Variants in C16orf74 observed in about 807,000 individuals in gnomAD.
C16orf74 encodes calcimembrin, also known as uncharacterized protein C16orf74.
In C16orf74, 10 loss-of-function variants were observed where a neutral mutation model predicts 6.5. The observed-to-expected ratio is 1.54, with a 90% CI of 0.95 to 2.61. C16orf74 has a LOEUF of 2.61. C16orf74 is among the 30% of genes most tolerant of loss of function. The pLI is 0.00. For synonymous variants in C16orf74, 60 were observed against 42.5 expected, an observed-to-expected ratio of 1.41 and a Z score of -1.60; for missense variants, 141 against 105.9, an observed-to-expected ratio of 1.33 and a Z score of -1.45.
At chr16:85,708,092 T>A (rs753113028) in intron 3 of C16orf74, 26 bp from the exon 4 acceptor site, 103 of 1,541,470 alleles carry the variant, frequency 6.7e-5, no homozygotes, top group Non-Finnish European at 8.5e-5. Context: ...GATGGACACC[T>A]GGATGCACCC....
chr16:85,723,946 G>C (rs997308717), intron 2 of C16orf74, among the ~76,000 whole-genome samples: 9 of 152,204 alleles, frequency 5.9e-5, no homozygotes, highest in South Asian at 4.1e-4. Flanking sequence ...GTCTGCTCCC[G>C]TGCCCGGCCA....
In C16orf74 at chr16:85,710,276, G is replaced by C; in HGVS notation, c.60C>G (p.Ser20Arg). 6.7e-7 allele frequency: 1 copy of C among 1,483,654 alleles called. No individual in the cohort carries two copies. Among genetic ancestry groups the C allele is most frequent in the South Asian group, 1.3e-5 (1 of 75,248 alleles). 91.9% of individuals were successfully genotyped at this position (1,483,654 alleles called of 1,614,324 possible). Residue 20 changes from serine (S) to arginine (R), a missense_variant, in exon 3 of 4, where the codon AGC (serine) becomes AGG (arginine). Transcript: ENST00000284245. ...TCAGGACGGGGGCCTCGTCGTGGCTGCTGCTGCTGCTGCTGACACACATTT... is the reference window on the plus strand; with the variant it reads ...TCAGGACGGGGGCCTCGTCGTGGCTCCTGCTGCTGCTGCTGACACACATTT... ...GFQMCVSSSSSSHDEAPVLND... is the reference protein window; with the variant it reads ...GFQMCVSSSSRSHDEAPVLND...
At chr16:85,725,986 T>TACCTGCCTCCTC (rs1274371176) in intron 2 of C16orf74, among the ~76,000 whole-genome samples, 1 of 152,160 alleles carries the variant, frequency 6.6e-6, no homozygotes, top group Non-Finnish European at 1.5e-5. Context: ...CCGGCCTCCA[T>TACCTGCCTCCTC]ACCTGCCTCC....
chr16:85,736,063 C>A (rs889501), intron 1 of C16orf74, among the ~76,000 whole-genome samples: 1 of 151,908 alleles, frequency 6.6e-6, no homozygotes, highest in African/African-American at 2.4e-5. Flanking sequence ...GGCCCCACCC[C>A]ACAGGGGCCT....
At chr16:85,708,800 C>A (rs969765653) in intron 3 of C16orf74, among the ~76,000 whole-genome samples, 1 of 152,192 alleles carries the variant, frequency 6.6e-6, no homozygotes, top group Non-Finnish European at 1.5e-5. Context: ...AAGCTCAGGA[C>A]ATCTGGAAGG....
intron 2 of C16orf74, among the ~76,000 whole-genome samples, chr16:85,732,025 A>T (rs781525949): frequency 1.4e-4 from 22 of 152,216 alleles, no homozygotes; most frequent in Non-Finnish European, 2.9e-4. Flanking sequence ...TTGGGATGAC[A>T]TTATCCTGGA....
chr16:85,735,481 C>T lies in C16orf74; in HGVS notation c.-18-246G>A, dbSNP rs140175309. On this transcript the variant is annotated intron_variant, in intron 1 of 3. Coordinates refer to ENST00000284245, the MANE Select transcript of C16orf74 (RefSeq NM_206967.3). ...AAGTTAAATATACAGGAAGCCAAGG[C>T]GGCGTCTGCAGCCCTGGCTCTGTGA... Among the ~76,000 whole-genome samples, 9 of 152,302 alleles carry T rather than the reference C, an allele frequency of 5.9e-5. No homozygotes were observed. The East Asian group carries it at 9.7e-4, about 16-fold the overall frequency.
At chr16:85,736,231 C>A (rs1475058771) in intron 1 of C16orf74, among the ~76,000 whole-genome samples, 1 of 152,108 alleles carries the variant, frequency 6.6e-6, no homozygotes, top group African/African-American at 2.4e-5. Context: ...TCTGAGGACG[C>A]CAAGGAGCAA....
intron 2 of C16orf74, chr16:85,710,588 T>C (rs1388880855): frequency 7.7e-6 from 3 of 388,478 alleles, no homozygotes; most frequent in Non-Finnish European, 1.4e-5. Flanking sequence ...TGTCAGCCTT[T>C]ACCATGTGGC....
intron 2 of C16orf74, among the ~76,000 whole-genome samples, chr16:85,727,322 A>C (rs1017545268): frequency 2.6e-5 from 4 of 151,850 alleles, no homozygotes; most frequent in African/African-American, 9.7e-5. Flanking sequence ...ACCACCAATC[A>C]ACCCCAGGCT....
At chr16:85,725,031 G>C (rs1239894001) in intron 2 of C16orf74, among the ~76,000 whole-genome samples, 2 of 151,820 alleles carry the variant, frequency 1.3e-5, no homozygotes, top group Non-Finnish European at 2.9e-5. Context: ...AGGATATCAG[G>C]TGCCGGAGGT....
intron 1 of C16orf74, among the ~76,000 whole-genome samples, chr16:85,746,959 G>A (rs146939742): frequency 1.3e-5 from 2 of 152,172 alleles, no homozygotes; most frequent in African/African-American, 2.4e-5. Context: ...GCTTAGCCAC[G>A]GTCCTGCGGG....
intron 2 of C16orf74, among the ~76,000 whole-genome samples, chr16:85,716,006 CTGATGA>C (rs2054019622): frequency 6.9e-6 from 1 of 143,904 alleles, no homozygotes; most frequent in African/African-American, 3.0e-5. Flanking sequence ...AAAGGAATCG[CTGATGA>C]TCGGAGGCCC....
rs563056976 is a variant in C16orf74, at chr16:85,742,175, C to T, written c.-18-6940G>A. Among the ~76,000 whole-genome samples, 5 of 152,264 alleles carry T rather than the reference C, an allele frequency of 3.3e-5. No individual in the cohort carries two copies. The South Asian group carries it at 1.0e-3, about 32-fold the overall frequency. The stretch of plus-strand genomic sequence containing the variant: ...ATCACTTGAGGTCAGGAGTTTGAGA[C>T]CAGCCTGGCCAACATGGCAAAACCC... On this transcript the variant is annotated intron_variant, in intron 1 of 3. Coordinates refer to ENST00000284245, the MANE Select transcript of C16orf74 (RefSeq NM_206967.3).
At chr16:85,735,751 C>CT (rs999356459) in intron 1 of C16orf74, among the ~76,000 whole-genome samples, 3 of 9,392 alleles carry the variant, frequency 3.2e-4, no homozygotes, top group Non-Finnish European at 4.7e-4. Flanking sequence ...GGACGTGTGG[C>CT]CCCCCCAGCC....
intron 2 of C16orf74, among the ~76,000 whole-genome samples, chr16:85,732,665 CAAAAAA>C (rs66539936): frequency 1.4e-4 from 6 of 44,170 alleles, no homozygotes; most frequent in African/African-American, 2.1e-4. Flanking sequence ...GACTCTGTCT[CAAAAAA>C]AAAAAAAAAA....
At chr16:85,720,848 G>A (rs2054075269) in intron 2 of C16orf74, among the ~76,000 whole-genome samples, 2 of 151,666 alleles carry the variant, frequency 1.3e-5, no homozygotes, top group African/African-American at 4.8e-5. Flanking sequence ...AGCACTTTGG[G>A]AGGCCGAGGC....
intron 2 of C16orf74, among the ~76,000 whole-genome samples, chr16:85,719,284 G>A (rs1463088944): frequency 6.6e-6 from 1 of 152,180 alleles, no homozygotes; most frequent in Non-Finnish European, 1.5e-5. Flanking sequence ...AGGTTTATCT[G>A]TGCCTTTCCC....
intron 1 of C16orf74, among the ~76,000 whole-genome samples, chr16:85,737,433 C>G (rs760558491): frequency 2.0e-5 from 3 of 152,170 alleles, no homozygotes; most frequent in Non-Finnish European, 4.4e-5. Flanking sequence ...TTAGGTAACT[C>G]GCACCTGTCA....
Sources: gnomAD v4.1 joint callset for allele counts (sites outside exome capture counted in the v4.1 genomes callset) on GRCh38, gnomAD v4.1.1 for gene constraint, MANE v1.5 for transcripts, NCBI Gene and HGNC (gene_info 2026-07-23, HGNC 2026-07-21) for gene names.